EPHA6: variants seen among roughly 807,000 people sequenced by gnomAD.
The protein encoded by EPHA6 is EPH receptor A6.
Under a neutral mutation model 112.0 loss-of-function variants are expected in EPHA6, and 50 were observed. That is an observed-to-expected ratio of 0.45 (90% CI 0.36 to 0.56). The LOEUF (loss-of-function observed/expected upper bound fraction) is 0.56, where lower values mean the gene tolerates loss of function less well. Among genes scored for constraint, EPHA6 ranks in the 20% least tolerant of loss-of-function variants. EPHA6 has a pLI of 0.00. For missense variants in EPHA6, 1,280 were observed against 1,417.4 expected (o/e 0.90, Z 1.56); for synonymous variants, 529 against 490.7 (o/e 1.08, Z -1.03).
intron 5 of EPHA6, among the ~76,000 whole-genome samples, chr3:97,375,561 A>T (rs1423323759): frequency 2.0e-5 from 3 of 152,150 alleles, no homozygotes; most frequent in Admixed American, 2.0e-4. Flanking sequence ...TAAAAAGGAG[A>T]CTTAAGAACA....
intron 15 of EPHA6, among the ~76,000 whole-genome samples, chr3:97,727,431 T>C (rs2034822554): frequency 6.6e-6 from 1 of 152,084 alleles, no homozygotes. Context: ...CTCATAATTC[T>C]ATAACCTTTC....
chr3:97,318,303 T>C (rs755136250), intron 5 of EPHA6, among the ~76,000 whole-genome samples: 2 of 152,054 alleles, frequency 1.3e-5, no homozygotes, highest in Non-Finnish European at 2.9e-5. Context: ...GTTTAGATCA[T>C]TTAAAGAACT....
At chr3:96,996,683 C>A (rs902881378) in intron 3 of EPHA6, among the ~76,000 whole-genome samples, 1 of 152,052 alleles carries the variant, frequency 6.6e-6, no homozygotes, top group Non-Finnish European at 1.5e-5. Context: ...GCTTAAAATT[C>A]TCCATAAACC....
chr3:97,504,053 T>C (rs2092187583), intron 10 of EPHA6, among the ~76,000 whole-genome samples: 1 of 152,220 alleles, frequency 6.6e-6, no homozygotes, highest in Admixed American at 6.5e-5. Flanking sequence ...GTTATTTACT[T>C]TTCATAAGCT....
chr3:97,251,484 C>T (rs2079139668), intron 5 of EPHA6, among the ~76,000 whole-genome samples: 2 of 151,794 alleles, frequency 1.3e-5, no homozygotes. Context: ...GAGCTGAGAT[C>T]GTCCCTCTGC....
At chr3:97,698,743 T>C (rs1396171597) in intron 14 of EPHA6, among the ~76,000 whole-genome samples, 2 of 152,250 alleles carry the variant, frequency 1.3e-5, no homozygotes, top group Non-Finnish European at 2.9e-5. Flanking sequence ...ACAATTTTCC[T>C]GCTCTTTCTG....
intron 11 of EPHA6, among the ~76,000 whole-genome samples, chr3:97,555,704 T>G (rs2093097029): frequency 6.6e-6 from 1 of 152,176 alleles, no homozygotes. Flanking sequence ...TTCATGTGTT[T>G]TTTGGCTGCA....
intron 6 of EPHA6, among the ~76,000 whole-genome samples, chr3:97,412,888 G>A (rs963964718): frequency 6.6e-6 from 1 of 151,886 alleles, no homozygotes; most frequent in African/African-American, 2.4e-5. Context: ...GAGTCCAGAG[G>A]TTATGTTATC....
At position 97,305,869 on chromosome 3, in the gene EPHA6, AAAATT is replaced by A. The variant is rs200110728; in HGVS notation, c.1606+61593_1606+61597del. On this transcript the variant is annotated intron_variant, in intron 5 of 17. Transcript: ENST00000389672. Reference sequence around the variant, plus strand: ...GTCCTGCACATGTATCCTAGAACTTAAAATTAAATTAAATTTTAAAATTTTCAGAA... The same window carrying A: ...GTCCTGCACATGTATCCTAGAACTTAAAATTAAATTTTAAAATTTTCAGAA... 6.0e-3 allele frequency among the ~76,000 whole-genome samples: 907 copies of A among 152,076 alleles called. 4 individuals carry two copies. Among genetic ancestry groups the A allele is most frequent in the Middle Eastern group, 0.01 (3 of 294 alleles).
intron 15 of EPHA6, among the ~76,000 whole-genome samples, chr3:97,730,814 A>G (rs1008597978): frequency 2.0e-5 from 3 of 152,158 alleles, no homozygotes; most frequent in African/African-American, 7.2e-5. Context: ...GCATTGTGCT[A>G]CATGCTGGGA....
chr3:96,943,959 G>A (rs931272457), intron 2 of EPHA6, among the ~76,000 whole-genome samples: 4 of 152,162 alleles, frequency 2.6e-5, no homozygotes, highest in African/African-American at 9.7e-5. Context: ...TATCAATAAT[G>A]TTGTTCTAAT....
intron 6 of EPHA6, among the ~76,000 whole-genome samples, chr3:97,411,272 T>C (rs116678616): frequency 0.013 from 1,959 of 152,124 alleles, 34 homozygotes; most frequent in African/African-American, 0.044. Flanking sequence ...GGGAGGACCA[T>C]AGTGCCTGGA....
intron 2 of EPHA6, among the ~76,000 whole-genome samples, chr3:96,979,180 G>T (rs1444352877): frequency 6.6e-6 from 1 of 151,742 alleles, no homozygotes; most frequent in East Asian, 1.9e-4. Flanking sequence ...TTTACATTGG[G>T]TATATCTCCT....
intron 14 of EPHA6, among the ~76,000 whole-genome samples, chr3:97,640,545 C>A (rs900356091): frequency 6.6e-6 from 1 of 151,532 alleles, no homozygotes; most frequent in African/African-American, 2.4e-5. Flanking sequence ...CCGAGGGGAG[C>A]GGATCACCTG....
At chr3:97,221,834 C>A (rs988985559) in intron 3 of EPHA6, among the ~76,000 whole-genome samples, 3 of 152,106 alleles carry the variant, frequency 2.0e-5, no homozygotes, top group Non-Finnish European at 4.4e-5. Flanking sequence ...GAGTTCAAGA[C>A]CAGCCTGCCA....
intron 14 of EPHA6, among the ~76,000 whole-genome samples, chr3:97,695,715 A>AT (rs1347661349): frequency 3.3e-5 from 5 of 151,974 alleles, no homozygotes; most frequent in African/African-American, 1.2e-4. Flanking sequence ...TAATTTTTGT[A>AT]TTTTTAGTAG....
rs115424170 is a variant in EPHA6 at position 97,452,408 on chromosome 3, A to G, written c.1894+3678A>G. Among the ~76,000 whole-genome samples, 816 of 151,944 alleles carry G rather than the reference A, an allele frequency of 5.4e-3. 6 individuals are homozygous for G. The highest frequency in any genetic ancestry group is 0.018 in the African/African-American group (745 of 41,530). ...AAATTGACTGAAGATATTCACTCAT[A>G]TATAATCAGAAAATTATTTCCTTGT... On this transcript the variant is annotated intron_variant, in intron 7 of 17. Transcript: ENST00000389672.
At chr3:97,733,044 G>C (rs1217629774) in intron 15 of EPHA6, among the ~76,000 whole-genome samples, 5 of 151,982 alleles carry the variant, frequency 3.3e-5, no homozygotes, top group Non-Finnish European at 7.4e-5. Context: ...TGGATGCATT[G>C]TGGGTAAAAT....
chr3:97,561,106 C>T (rs1368704680), intron 11 of EPHA6, among the ~76,000 whole-genome samples: 1 of 151,902 alleles, frequency 6.6e-6, no homozygotes, highest in Non-Finnish European at 1.5e-5. Context: ...ATTTCTCTCT[C>T]CTCAGGTCTC....
Sources: gnomAD v4.1 joint callset for allele counts (sites outside exome capture counted in the v4.1 genomes callset) on GRCh38, gnomAD v4.1.1 for gene constraint, MANE v1.5 for transcripts, NCBI Gene and HGNC (gene_info 2026-07-23, HGNC 2026-07-21) for gene names.